Variants in RBFOX1 observed in about 807,000 individuals in gnomAD.
The protein encoded by RBFOX1 is RNA binding fox-1 homolog 1, also known as RNA binding protein fox-1 homolog 1.
In RBFOX1, 8 loss-of-function variants were observed where a neutral mutation model predicts 57.7. The observed-to-expected ratio is 0.14, with a 90% CI of 0.08 to 0.25. The LOEUF (loss-of-function observed/expected upper bound fraction) is 0.25. RBFOX1 is among the 10% of genes least tolerant of loss of function. RBFOX1 has a pLI of 1.00. For missense variants in RBFOX1, 611 were observed against 548.5 expected, an observed-to-expected ratio of 1.11 and a Z score of -1.14; for synonymous variants, 326 against 222.4, an observed-to-expected ratio of 1.47 and a Z score of -4.15.
intron 4 of RBFOX1, among the ~76,000 whole-genome samples, chr16:5,979,024 G>A (rs1042936657): frequency 2.0e-5 from 3 of 152,104 alleles, no homozygotes; most frequent in Admixed American, 2.0e-4. Flanking sequence ...GGCCCCTCTC[G>A]CCTTCTCCTC....
intron 3 of RBFOX1, among the ~76,000 whole-genome samples, chr16:5,701,625 AGTTT>A (rs1457073037): frequency 6.6e-6 from 1 of 152,064 alleles, no homozygotes; most frequent in African/African-American, 2.4e-5. Flanking sequence ...GTAGGGACAG[AGTTT>A]CGTCATGTTG....
At chr16:6,378,352 C>T (rs1003065530) in intron 2 of RBFOX1, among the ~76,000 whole-genome samples, 1 of 152,236 alleles carries the variant, frequency 6.6e-6, no homozygotes, top group Non-Finnish European at 1.5e-5. Flanking sequence ...ACCCTGCGAT[C>T]CTGGTGCCAC....
At chr16:7,028,268 C>G (rs943810825) in intron 3 of RBFOX1, among the ~76,000 whole-genome samples, 1 of 152,134 alleles carries the variant, frequency 6.6e-6, no homozygotes, top group Non-Finnish European at 1.5e-5. Flanking sequence ...AAGCCATTTT[C>G]TAATCAAATT....
At chr16:5,581,635 C>G (rs527645712) in intron 2 of RBFOX1, among the ~76,000 whole-genome samples, 1 of 152,256 alleles carries the variant, frequency 6.6e-6, no homozygotes, top group African/African-American at 2.4e-5. Flanking sequence ...GATGTCTGGA[C>G]TTTGACATGA....
intron 4 of RBFOX1, among the ~76,000 whole-genome samples, chr16:7,090,105 G>C (rs2060580187): frequency 6.6e-6 from 1 of 152,126 alleles, no homozygotes; most frequent in African/African-American, 2.4e-5. Context: ...AAATGTGGTT[G>C]ATATCTCTGT....
At chr16:7,391,119 G>T (rs954606937) in intron 4 of RBFOX1, among the ~76,000 whole-genome samples, 1 of 152,138 alleles carries the variant, frequency 6.6e-6, no homozygotes, top group African/African-American at 2.4e-5. Context: ...CACTGAATAT[G>T]TGACAGTTAA....
At chr16:6,458,198 G>C (rs2094824027) in intron 2 of RBFOX1, among the ~76,000 whole-genome samples, 1 of 152,130 alleles carries the variant, frequency 6.6e-6, no homozygotes, top group Non-Finnish European at 1.5e-5. Flanking sequence ...GTGTTATCCT[G>C]AGCTCTGGAA....
intron 2 of RBFOX1, among the ~76,000 whole-genome samples, chr16:6,607,435 TC>T (rs1567859806): frequency 0.013 from 1,858 of 147,220 alleles, 52 homozygotes; most frequent in African/African-American, 0.044. Flanking sequence ...TCTCTCTCTC[TC>T]GCTCTCTATC....
intron 3 of RBFOX1, among the ~76,000 whole-genome samples, chr16:6,664,417 C>T (rs1420045441): frequency 1.3e-5 from 2 of 152,162 alleles, no homozygotes; most frequent in East Asian, 1.9e-4. Context: ...GAAATGTGCG[C>T]GGTCATCTAG....
chr16:5,272,975 A>G (rs1393059323), intron 1 of RBFOX1, among the ~76,000 whole-genome samples: 1 of 152,172 alleles, frequency 6.6e-6, no homozygotes, highest in African/African-American at 2.4e-5. Context: ...TTTTCCCTAT[A>G]AAATCTATTC....
intron 1 of RBFOX1, among the ~76,000 whole-genome samples, chr16:6,043,305 G>A (rs769101601): frequency 6.6e-6 from 1 of 152,100 alleles, no homozygotes; most frequent in Non-Finnish European, 1.5e-5. Context: ...CTAGATCCAG[G>A]GAAGTCCTGG....
In RBFOX1 at chr16:5,946,543, C is replaced by T. The variant is rs1023003650; in HGVS notation, c.351+79208C>T. 7.2e-6 allele frequency among the ~76,000 whole-genome samples: 1 copy of T among 139,798 alleles called. No individual in the cohort carries two copies. Among genetic ancestry groups the T allele is most frequent in the Non-Finnish European group, 1.6e-5 (1 of 61,540 alleles). The allele number at this position is 139,798 out of a possible 152,430, so 91.7% of individuals were successfully genotyped here. A position where few individuals can be genotyped will look rare whatever the true frequency, so the allele number is the denominator to read the frequency against. Reference sequence around the variant, plus strand: ...GTTCTACGCCCTTCCCCGTATCTCACTCTATGCATATTTTTTTCCAACTGG... The same window carrying T: ...GTTCTACGCCCTTCCCCGTATCTCATTCTATGCATATTTTTTTCCAACTGG... On this transcript the variant is annotated intron_variant, in intron 4 of 19. Coordinates refer to the RBFOX1 transcript ENST00000641259. The surrounding 1 kb of genome is among the most constrained non-coding windows in gnomAD (Gnocchi z 4.6).
At chr16:5,813,528 T>G (rs933790920) in intron 3 of RBFOX1, among the ~76,000 whole-genome samples, 1 of 152,208 alleles carries the variant, frequency 6.6e-6, no homozygotes, top group Non-Finnish European at 1.5e-5. Flanking sequence ...ACCTTGTACA[T>G]ACCATGCTCA....
chr16:6,930,203 T>C (rs1281384435), intron 3 of RBFOX1, among the ~76,000 whole-genome samples: 1 of 152,168 alleles, frequency 6.6e-6, no homozygotes, highest in Non-Finnish European at 1.5e-5. Flanking sequence ...ATTGAGAATA[T>C]ATTGAGAACT....
At chr16:6,253,260 C>G (rs2097635723) in intron 1 of RBFOX1, among the ~76,000 whole-genome samples, 1 of 152,186 alleles carries the variant, frequency 6.6e-6, no homozygotes, top group South Asian at 2.1e-4. Context: ...GATTGACTTT[C>G]ACCTAACAGA....
intron 4 of RBFOX1, among the ~76,000 whole-genome samples, chr16:7,442,778 G>T (rs112061200): frequency 2.2e-4 from 34 of 152,156 alleles, no homozygotes; most frequent in Admixed American, 1.3e-4. Flanking sequence ...GGCCTCAGAC[G>T]TCGATCGTCA....
At chr16:5,718,492 T>G (rs1233449852) in intron 3 of RBFOX1, among the ~76,000 whole-genome samples, 1 of 152,248 alleles carries the variant, frequency 6.6e-6, no homozygotes, top group East Asian at 1.9e-4. Flanking sequence ...GTGAGCTCCA[T>G]GAAGGCTGGG....
chr16:7,664,864 G>T, intron 12 of RBFOX1, 65 bp from the exon 13 acceptor site: 7 of 1,613,748 alleles, frequency 4.3e-6, no homozygotes, highest in Non-Finnish European at 5.9e-6. Context: ...CAGTGCAGGG[G>T]TTGGTGTGTC....
At chr16:6,121,467 C>A (rs1251968027) in intron 1 of RBFOX1, among the ~76,000 whole-genome samples, 1 of 152,184 alleles carries the variant, frequency 6.6e-6, no homozygotes, top group Non-Finnish European at 1.5e-5. Context: ...CATCTCAGGC[C>A]ACTGCCCGTA....
Sources: gnomAD v4.1 joint callset for allele counts (sites outside exome capture counted in the v4.1 genomes callset) on GRCh38, gnomAD v4.1.1 for gene constraint, Gnocchi (gnomAD v3.1) non-coding constraint, MANE v1.5 for transcripts, NCBI Gene and HGNC (gene_info 2026-07-23, HGNC 2026-07-21) for gene names.